The following ESR2 variants were observed in gnomAD, a reference collection of about 807,000 sequenced individuals.
The protein encoded by ESR2 is estrogen receptor beta.
Under a neutral mutation model 49.6 loss-of-function variants are expected in ESR2, and 36 were observed. That is an observed-to-expected ratio of 0.73 (90% CI 0.56 to 0.96). ESR2 has a LOEUF of 0.96. ESR2 is among the 40% of genes least tolerant of loss of function. The pLI, the probability that ESR2 is intolerant of heterozygous loss-of-function variation, is 0.00. For synonymous variants in ESR2, 320 were observed against 266.1 expected, an observed-to-expected ratio of 1.20 and a Z score of -1.97; for missense variants, 714 against 693.0, an observed-to-expected ratio of 1.03 and a Z score of -0.34.
intron 4 of ESR2, among the ~76,000 whole-genome samples, chr14:64,266,522 T>G (rs2076332269): frequency 6.6e-6 from 1 of 152,228 alleles, no homozygotes; most frequent in Non-Finnish European, 1.5e-5. Flanking sequence ...AAAGCATTCT[T>G]AAGACTAACT....
chr14:64,333,671 T>C (rs1459494360), intron 1 of ESR2, among the ~76,000 whole-genome samples: 1 of 151,792 alleles, frequency 6.6e-6, no homozygotes. Context: ...AGAGGGGAAA[T>C]CCCTAATAAA....
At chr14:64,256,547 G>A (rs1226501757) in intron 6 of ESR2, among the ~76,000 whole-genome samples, 1 of 152,106 alleles carries the variant, frequency 6.6e-6, no homozygotes, top group Non-Finnish European at 1.5e-5. Context: ...TGGCCAACAT[G>A]GTGAAACCAC....
At chr14:64,301,404 C>T (rs977319616) in intron 1 of ESR2, 1 of 152,202 alleles carries the variant, frequency 6.6e-6, no homozygotes, top group African/African-American at 2.4e-5. Flanking sequence ...CCTCTGGGGT[C>T]TCTTCTGAAT....
chr14:64,318,097 A>ATTTAAAATT (rs2077279451), intron 1 of ESR2, among the ~76,000 whole-genome samples: 1 of 152,188 alleles, frequency 6.6e-6, no homozygotes, highest in African/African-American at 2.4e-5. Flanking sequence ...TATGTAGAGA[A>ATTTAAAATT]TCCCAAAGAA....
chr14:64,238,071 GTAATAA>G (rs1008443302), intron 7 of ESR2, among the ~76,000 whole-genome samples: 5 of 152,082 alleles, frequency 3.3e-5, no homozygotes, highest in African/African-American at 2.4e-5. Context: ...AAAAATAATA[GTAATAA>G]TAATAATAAA....
chr14:64,235,253 T>C (rs1047110155), intron 7 of ESR2, 103 bp from the exon 8 acceptor site: 7 of 1,230,606 alleles, frequency 5.7e-6, no homozygotes, highest in Non-Finnish European at 7.9e-6. Context: ...CTGGGTTGCT[T>C]TGACAGCTGC....
upstream of ESR2, among the ~76,000 whole-genome samples, chr14:64,299,398 G>A (rs2076996660): frequency 7.1e-6 from 1 of 140,716 alleles, no homozygotes; most frequent in Non-Finnish European, 1.5e-5. Context: ...TACAGAAATA[G>A]CTTTTTTTTT....
intron 1 of ESR2, among the ~76,000 whole-genome samples, chr14:64,327,652 T>G (rs185073194): frequency 4.0e-5 from 6 of 151,562 alleles, no homozygotes; most frequent in Non-Finnish European, 7.4e-5. Context: ...GCCAAGATAA[T>G]GCCACACACT....
At chr14:64,328,541 G>T (rs891522415) in intron 1 of ESR2, among the ~76,000 whole-genome samples, 4 of 152,216 alleles carry the variant, frequency 2.6e-5, no homozygotes, top group Admixed American at 2.0e-4. Context: ...TGCCTGGGTA[G>T]TAGGATAATA....
chr14:64,288,464 C>T (rs2076817365), intron 1 of ESR2, among the ~76,000 whole-genome samples: 1 of 151,476 alleles, frequency 6.6e-6, no homozygotes, highest in African/African-American at 2.4e-5. Flanking sequence ...TCTCCTGCCT[C>T]AGCCTCTCAA....
intron 6 of ESR2, among the ~76,000 whole-genome samples, chr14:64,250,462 A>G (rs2075964608): frequency 6.6e-6 from 1 of 152,220 alleles, no homozygotes; most frequent in Non-Finnish European, 1.5e-5. Context: ...GGAAAATACC[A>G]GCTTCTATTC....
intron 3 of ESR2, among the ~76,000 whole-genome samples, chr14:64,269,389 G>A (rs1327409204): frequency 6.6e-6 from 1 of 152,156 alleles, no homozygotes; most frequent in African/African-American, 2.4e-5. Flanking sequence ...TCTAAATAAT[G>A]ACAGAAAGTA....
At chr14:64,306,243 A>G (rs897796139) in intron 1 of ESR2, among the ~76,000 whole-genome samples, 4 of 152,168 alleles carry the variant, frequency 2.6e-5, no homozygotes, top group Non-Finnish European at 5.9e-5. Flanking sequence ...AAGAAAAAGA[A>G]TACTACATTG....
chr14:64,256,172 G>C (rs1464813061), intron 6 of ESR2, among the ~76,000 whole-genome samples: 2 of 152,126 alleles, frequency 1.3e-5, no homozygotes, highest in Non-Finnish European at 2.9e-5. Flanking sequence ...AGAAGATTTC[G>C]AACTGCTCGA....
chr14:64,322,700 C>T (rs1032811905), intron 1 of ESR2, among the ~76,000 whole-genome samples: 6 of 152,174 alleles, frequency 3.9e-5, no homozygotes, highest in African/African-American at 1.4e-4. Context: ...TGAACTGCTT[C>T]TATCCTTTTG....
intron 7 of ESR2, among the ~76,000 whole-genome samples, chr14:64,237,007 C>T (rs2140627521): frequency 6.6e-6 from 1 of 151,896 alleles, no homozygotes; most frequent in Non-Finnish European, 1.5e-5. Flanking sequence ...GTCACCCAGC[C>T]TGGAGTGCAG....
At chr14:64,272,451 A>G (rs2076469326) in intron 3 of ESR2, among the ~76,000 whole-genome samples, 1 of 152,120 alleles carries the variant, frequency 6.6e-6, no homozygotes, top group Non-Finnish European at 1.5e-5. Flanking sequence ...GTGTGGTATT[A>G]TTACTCAAGA....
At chr14:64,264,811 T>C (rs1567757668) in intron 4 of ESR2, among the ~76,000 whole-genome samples, 1 of 150,866 alleles carries the variant, frequency 6.6e-6, no homozygotes, top group Non-Finnish European at 1.5e-5. Context: ...GAGGTAAAAG[T>C]TGCAGTAAGC....
At chr14:64,234,718 A>C (rs1596364061) in intron 8 of ESR2, 6 of 740,442 alleles carry the variant, frequency 8.1e-6, no homozygotes, top group Non-Finnish European at 1.3e-5. Flanking sequence ...CAGGCTATAA[A>C]CCCCAGCAAT....
Sources: gnomAD v4.1 joint callset for allele counts (sites outside exome capture counted in the v4.1 genomes callset) on GRCh38, gnomAD v4.1.1 for gene constraint, MANE v1.5 for transcripts, NCBI Gene and HGNC (gene_info 2026-07-23, HGNC 2026-07-21) for gene names.